The following CDH18 variants were observed in gnomAD, a reference collection of about 807,000 sequenced individuals.
CDH18 encodes cadherin 18.
Under a neutral mutation model 67.9 loss-of-function variants are expected in CDH18, and 31 were observed. The observed-to-expected ratio is 0.46, with a 90% CI of 0.34 to 0.62. The LOEUF (loss-of-function observed/expected upper bound fraction) is 0.62. CDH18 is among the 20% of genes least tolerant of loss of function. The probability of loss-of-function intolerance (pLI) is 0.01; values close to 1 mark genes in which losing one functional copy is unlikely to be tolerated. For synonymous variants in CDH18, 362 were observed against 347.2 expected, an observed-to-expected ratio of 1.04 and a Z score of -0.48; for missense variants, 890 against 975.5, an observed-to-expected ratio of 0.91 and a Z score of 1.17.
chr5:20,509,817 T>C (rs1344057180), intron 1 of CDH18, among the ~76,000 whole-genome samples: 4 of 152,192 alleles, frequency 2.6e-5, no homozygotes, highest in Admixed American at 2.6e-4. Flanking sequence ...GTTAATTCCA[T>C]ATCTGGGCTA....
intron 1 of CDH18, among the ~76,000 whole-genome samples, chr5:20,413,473 G>A (rs112065214): frequency 0.048 from 7,345 of 152,242 alleles, 250 homozygotes; most frequent in African/African-American, 0.1. Context: ...TCCAGCACCT[G>A]TTGTTTCCTG....
At chr5:19,487,878 A>G (rs35414955) in intron 11 of CDH18, among the ~76,000 whole-genome samples, 1 of 152,012 alleles carries the variant, frequency 6.6e-6, no homozygotes, top group East Asian at 1.9e-4. Flanking sequence ...AATATAATTT[A>G]TCCATCTTTC....
chr5:20,232,521 C>T (rs957109322), intron 2 of CDH18, among the ~76,000 whole-genome samples: 1 of 152,032 alleles, frequency 6.6e-6, no homozygotes, highest in African/African-American at 2.4e-5. Context: ...GTTACTTATT[C>T]TCTGAGATAT....
intron 3 of CDH18, chr5:19,803,877 T>G (rs904391649): frequency 6.6e-6 from 1 of 152,080 alleles, no homozygotes; most frequent in Non-Finnish European, 1.5e-5. Context: ...ATCCCAGCAC[T>G]TTGGGAGGCC....
chr5:20,092,479 T>C, intron 2 of CDH18, among the ~76,000 whole-genome samples: 1 of 152,318 alleles, frequency 6.6e-6, no homozygotes, highest in Non-Finnish European at 1.5e-5. Context: ...GGAAATAGTC[T>C]ACTATTAAAA....
Position 20,113,626 on chromosome 5 carries a change from A to C in CDH18, c.-517-121612T>G, listed in dbSNP as rs1430668633. On this transcript the variant is annotated intron_variant, in intron 2 of 14. Coordinates refer to the CDH18 transcript ENST00000507958. Reference sequence around the variant, plus strand: ...AAGGTATTTCAAAAATGTTATTAACAATGACAGCCTCATAGGTTAGGTATA... The same window carrying C: ...AAGGTATTTCAAAAATGTTATTAACCATGACAGCCTCATAGGTTAGGTATA... Among the ~76,000 whole-genome samples the C allele has an allele frequency of 3.3e-5, 5 of 152,238 alleles. No individual in the cohort carries two copies. The East Asian group carries it at 9.6e-4, about 29-fold the overall frequency.
At chr5:19,636,778 C>CAAA (rs568252583) in intron 5 of CDH18, among the ~76,000 whole-genome samples, 2 of 145,084 alleles carry the variant, frequency 1.4e-5, no homozygotes, top group Non-Finnish European at 3.0e-5. Flanking sequence ...TACAAGTTAG[C>CAAA]AAAAAAAAAA....
chr5:19,672,363 T>C (rs1334257389), intron 5 of CDH18, among the ~76,000 whole-genome samples: 1 of 152,152 alleles, frequency 6.6e-6, no homozygotes, highest in Admixed American at 6.6e-5. Context: ...CTGTGAGAAC[T>C]GACTTAAAGC....
At chr5:19,560,416 T>C (rs968460844) in intron 8 of CDH18, among the ~76,000 whole-genome samples, 5 of 151,962 alleles carry the variant, frequency 3.3e-5, no homozygotes, top group African/African-American at 1.2e-4. Context: ...GGGAAAAAGA[T>C]ACCCAGTTCA....
intron 5 of CDH18, among the ~76,000 whole-genome samples, chr5:19,683,654 G>C (rs1478370492): frequency 6.6e-6 from 1 of 151,980 alleles, no homozygotes; most frequent in Non-Finnish European, 1.5e-5. Flanking sequence ...CAAGCAGAAT[G>C]GGTGGTAGTT....
At chr5:19,762,432 A>C (rs1023331524) in intron 3 of CDH18, among the ~76,000 whole-genome samples, 14 of 152,330 alleles carry the variant, frequency 9.2e-5, no homozygotes, top group Middle Eastern at 3.4e-3. Context: ...AAGTGGGCAA[A>C]GTGTATGAAC....
rs150531587 is a variant in CDH18, at chr5:20,036,415, A to T, written c.-517-44401T>A. Reference sequence around the variant, plus strand: ...ATGATACTTAAAAAGAAGAAAAAAGAAGGAGAAGGAGTGAAAAAAAGAGGA... The same window carrying T: ...ATGATACTTAAAAAGAAGAAAAAAGTAGGAGAAGGAGTGAAAAAAAGAGGA... On this transcript the variant is annotated intron_variant, in intron 2 of 14. Transcript: ENST00000507958. 2.0e-5 allele frequency among the ~76,000 whole-genome samples: 3 copies of T among 152,174 alleles called. No homozygotes were observed. In the East Asian group the frequency reaches 5.8e-4, roughly 29 times the overall value.
At chr5:19,836,605 C>T (rs1056796271) in intron 3 of CDH18, among the ~76,000 whole-genome samples, 1 of 152,064 alleles carries the variant, frequency 6.6e-6, no homozygotes, top group Non-Finnish European at 1.5e-5. Context: ...ACATTTTCTC[C>T]CATTCTTTAG....
rs573767679 is a variant in CDH18, at chr5:19,599,042, A to G, written c.812-7798T>C. Among the ~76,000 whole-genome samples, 6 of 152,298 alleles carry G rather than the reference A, an allele frequency of 3.9e-5. No homozygotes were observed. The East Asian group carries it at 7.7e-4, about 20-fold the overall frequency. On this transcript the variant is annotated intron_variant, in intron 6 of 12. Transcript: ENST00000382275. Reference sequence around the variant, plus strand: ...CACTAAAATAATTTTTTTAAAAATCATATGACTCAATTGATAATGTTTATT... The same window carrying G: ...CACTAAAATAATTTTTTTAAAAATCGTATGACTCAATTGATAATGTTTATT...
chr5:20,099,711 G>A (rs921956301), intron 2 of CDH18, among the ~76,000 whole-genome samples: 9 of 152,084 alleles, frequency 5.9e-5, no homozygotes, highest in African/African-American at 2.2e-4. Flanking sequence ...TAGAAGATAA[G>A]AGATTGACTG....
Position 19,965,646 on chromosome 5 carries a change from G to C in CDH18, c.-257+15414C>G, listed in dbSNP as rs190565320. ...TTATTCTGATAATTACTGGGGAAAA[G>C]TACAAAAACTATACAGTATGTCAAC... On this transcript the variant is annotated intron_variant, in intron 2 of 12. Transcript: ENST00000382275. Among the ~76,000 whole-genome samples the C allele has an allele frequency of 2.0e-5, 3 of 152,250 alleles. No individual in the cohort carries two copies. The East Asian group carries it at 5.8e-4, about 29-fold the overall frequency.
intron 1 of CDH18, among the ~76,000 whole-genome samples, chr5:20,302,762 G>C (rs1407681367): frequency 3.9e-5 from 6 of 152,174 alleles, no homozygotes; most frequent in Non-Finnish European, 8.8e-5. Context: ...ACACACACGT[G>C]AGCCCTTGGG....
At chr5:20,263,844 A>C (rs1443831959) in intron 1 of CDH18, among the ~76,000 whole-genome samples, 2 of 152,234 alleles carry the variant, frequency 1.3e-5, no homozygotes, top group South Asian at 4.1e-4. Flanking sequence ...TGTATGAATA[A>C]AGTTAGATTT....
chr5:20,219,504 A>C (rs1314485984), intron 2 of CDH18, among the ~76,000 whole-genome samples: 3 of 139,390 alleles, frequency 2.2e-5, no homozygotes, highest in Admixed American at 1.5e-4. Flanking sequence ...TGATACTAAA[A>C]CTAAAGACAT....
Sources: allele counts gnomAD v4.1 joint callset (sites outside exome capture counted in the v4.1 genomes callset), GRCh38; gene constraint gnomAD v4.1.1; transcripts MANE v1.5; gene names NCBI Gene and HGNC (gene_info 2026-07-23, HGNC 2026-07-21).